SASH1: variants seen among roughly 807,000 people sequenced by gnomAD.
The protein encoded by SASH1 is SAM and SH3 domain-containing protein 1.
SASH1 carries 44 observed loss-of-function variants against 125.2 expected under a neutral mutation model. The ratio of observed to expected loss-of-function variants is 0.35; its 90% CI spans 0.28 to 0.45. SASH1 has a LOEUF of 0.45. SASH1 is among the 20% of genes least tolerant of loss of function. The pLI, the probability that SASH1 is intolerant of heterozygous loss-of-function variation, is 1.00. For missense variants in SASH1, 1,426 were observed against 1,614.5 expected, an observed-to-expected ratio of 0.88 and a Z score of 2.00; for synonymous variants, 639 against 649.1, an observed-to-expected ratio of 0.98 and a Z score of 0.24.
At chr6:148,300,626 A>G (rs1412903270) in intron 1 of SASH1, among the ~76,000 whole-genome samples, 1 of 151,640 alleles carries the variant, frequency 6.6e-6, no homozygotes, top group Non-Finnish European at 1.5e-5. Flanking sequence ...TTGTATTTTT[A>G]TATTTATATT....
At chr6:148,524,221 T>C (rs1421303775) in intron 10 of SASH1, among the ~76,000 whole-genome samples, 1 of 146,244 alleles carries the variant, frequency 6.8e-6, no homozygotes, top group African/African-American at 2.5e-5. Context: ...GCGATTACTT[T>C]TGCACCAACC....
In SASH1 at chr6:148,343,223, G is replaced by A. The variant is rs200916139; in HGVS notation, c.156G>A (p.Leu52=). ...TCTGGACCGACGTGATGGGTATCCTGGTAAGTTACCTGGGGAGGGGGCGGC... is the reference window on the plus strand; with the variant it reads ...TCTGGACCGACGTGATGGGTATCCTAGTAAGTTACCTGGGGAGGGGGCGGC... ...SRLWTDVMGI[L]DGSLGNIDDL... The change falls in exon 1 of 20, where the codon CTG becomes CTA. Residue 52 remains leucine, a splice_region_variant and synonymous_variant. Transcript: ENST00000367467. The A allele has an allele frequency of 1.3e-6, 2 of 1,584,304 alleles. No homozygotes were observed. The highest frequency in any genetic ancestry group is 2.7e-5 in the African/African-American group (2 of 74,106).
intron 8 of SASH1, chr6:148,513,321 G>A: frequency 1.0e-6 from 1 of 985,472 alleles, no homozygotes; most frequent in Non-Finnish European, 1.2e-6. Context: ...ACGTGAGCTG[G>A]AATTGCTCAC....
chr6:148,416,651 C>A (rs552210478), intron 2 of SASH1, among the ~76,000 whole-genome samples: 1 of 152,202 alleles, frequency 6.6e-6, no homozygotes, highest in African/African-American at 2.4e-5. Flanking sequence ...CAGCTCAGAA[C>A]AGTGGCTCTG....
the SASH1 span, among the ~76,000 whole-genome samples, chr6:148,208,469 A>G: frequency 6.6e-6 from 1 of 152,212 alleles, no homozygotes; most frequent in African/African-American, 2.4e-5. Context: ...GGTCCTTAAC[A>G]GCATAGCAGA....
rs1426579147 is a variant in SASH1, at chr6:148,364,764, A to G, written c.156+21541A>G. ...ACCATAGGAAACATTGCAAAATAGT[A>G]CAAATGAAGCATGGAGTCAAAGATA... On this transcript the variant is annotated intron_variant, in intron 1 of 19. Transcript: ENST00000367467. 2.6e-5 allele frequency among the ~76,000 whole-genome samples: 4 copies of G among 152,290 alleles called. No individual in the cohort carries two copies. In the East Asian group the frequency reaches 7.7e-4, roughly 29 times the overall value.
At chr6:148,438,742 A>AAAC (rs1562409940) in intron 2 of SASH1, among the ~76,000 whole-genome samples, 1 of 129,188 alleles carries the variant, frequency 7.7e-6, no homozygotes. Context: ...AAAAAAAAAA[A>AAAC]AAAACCAAAA....
At chr6:148,292,955 G>A (rs560297659) in intron 1 of SASH1, among the ~76,000 whole-genome samples, 1 of 152,146 alleles carries the variant, frequency 6.6e-6, no homozygotes, top group African/African-American at 2.4e-5. Context: ...AGGAGGCTGA[G>A]GCAGGAGAAT....
At chr6:148,252,387 T>C in the SASH1 span, among the ~76,000 whole-genome samples, 1 of 152,266 alleles carries the variant, frequency 6.6e-6, no homozygotes, top group South Asian at 2.1e-4. Context: ...TATATTACTT[T>C]AATAATTCAA....
At chr6:148,463,686 T>C (rs551345638) in intron 4 of SASH1, among the ~76,000 whole-genome samples, 4 of 152,188 alleles carry the variant, frequency 2.6e-5, no homozygotes, top group African/African-American at 7.2e-5. Context: ...TCTGCAGCTC[T>C]AGACTCACAT....
Position 148,474,143 on chromosome 6 carries a change from C to T in SASH1, c.548C>T (p.Thr183Met), listed in dbSNP as rs1443408649. ...GTTGGTTATGTTGCCAGTGAAATAA[C>T]GATGAGCGATGAGGAGCGGATTCAG... ...EDVGYVASEI[T>M]MSDEERIQLM... is the part of the protein sequence containing the mutation. Residue 183 changes from threonine (T) to methionine (M), a missense_variant, in exon 7 of 20, where the codon ACG (threonine) becomes ATG (methionine). Physicochemically the swap from Thr to Met is moderately conservative, Grantham distance 81. Around this residue, in one of 3 missense-constraint regions of SASH1, gnomAD observed 567 missense variants for 575.6 expected, o/e 0.99. Coordinates refer to ENST00000367467, the MANE Select transcript of SASH1 (RefSeq NM_015278.5). 18 of 1,611,564 alleles carry T rather than the reference C, an allele frequency of 1.1e-5. No homozygotes were observed. The highest frequency in any genetic ancestry group is 8.4e-5 in the Admixed American group (5 of 59,772).
At chr6:148,270,123 A>G (rs2128502184), upstream of SASH1, among the ~76,000 whole-genome samples, 1 of 152,342 alleles carries the variant, frequency 6.6e-6, no homozygotes, top group East Asian at 1.9e-4. Flanking sequence ...GGACAGCAAG[A>G]GGATGGACAG....
chr6:148,333,098 A>T (rs1213972655), intron 1 of SASH1, among the ~76,000 whole-genome samples: 1 of 152,122 alleles, frequency 6.6e-6, no homozygotes, highest in Non-Finnish European at 1.5e-5. Context: ...CCTTACTCTG[A>T]CATACCTATA....
chr6:148,373,737 AG>A (rs1782783733), intron 1 of SASH1, among the ~76,000 whole-genome samples: 1 of 151,892 alleles, frequency 6.6e-6, no homozygotes, highest in South Asian at 2.1e-4. Flanking sequence ...TGGGAGGCCA[AG>A]GTGGGGGGGA....
the SASH1 span, among the ~76,000 whole-genome samples, chr6:148,211,066 T>C: frequency 6.6e-6 from 1 of 152,214 alleles, no homozygotes; most frequent in African/African-American, 2.4e-5. Flanking sequence ...CTCAACCTTG[T>C]GGCCTCTTAT....
chr6:148,266,183 A>G, the SASH1 span, among the ~76,000 whole-genome samples: 5 of 152,144 alleles, frequency 3.3e-5, no homozygotes, highest in African/African-American at 9.7e-5. Context: ...CATGTAGGCC[A>G]GGCTGGTCTC....
chr6:148,422,476 T>C (rs1237816431), intron 2 of SASH1, among the ~76,000 whole-genome samples: 1 of 152,238 alleles, frequency 6.6e-6, no homozygotes, highest in Non-Finnish European at 1.5e-5. Context: ...ACAGCTGCTG[T>C]TCTGAACAGC....
At chr6:148,343,457 T>G (rs1438002885) in intron 1 of SASH1, among the ~76,000 whole-genome samples, 2 of 152,214 alleles carry the variant, frequency 1.3e-5, no homozygotes, top group East Asian at 3.8e-4. Flanking sequence ...GGGTATGATA[T>G]TCAACAGTTT....
At chr6:148,393,304 C>T (rs1034002282) in intron 2 of SASH1, among the ~76,000 whole-genome samples, 3 of 151,676 alleles carry the variant, frequency 2.0e-5, no homozygotes, top group Admixed American at 1.3e-4. Context: ...AGGTGATCTG[C>T]CCGCCTTGGC....
Sources: allele counts gnomAD v4.1 joint callset (sites outside exome capture counted in the v4.1 genomes callset), GRCh38; gene constraint gnomAD v4.1.1; regional missense constraint gnomAD v4.1.1; transcripts MANE v1.5; gene names NCBI Gene and HGNC (gene_info 2026-07-23, HGNC 2026-07-21).